Variants in GRIK4 observed in about 807,000 individuals in gnomAD.
The protein encoded by GRIK4 is glutamate ionotropic receptor kainate type subunit 4, also known as glutamate receptor ionotropic, kainate 4.
A neutral mutation model predicts 104.9 loss-of-function variants in GRIK4; 40 were observed. The ratio of observed to expected loss-of-function variants is 0.38; its 90% confidence interval spans 0.30 to 0.50. The LOEUF is 0.50. Ranked by LOEUF, GRIK4 falls within the 20% of genes least tolerant of loss-of-function variation. The pLI is 0.93. For synonymous variants in GRIK4, 485 were observed against 524.9 expected, an observed-to-expected ratio of 0.92 and a Z score of 1.04; for missense variants, 1,047 against 1,308.1, an observed-to-expected ratio of 0.80 and a Z score of 3.08.
intron 4 of GRIK4, among the ~76,000 whole-genome samples, chr11:120,804,460 C>T (rs1434909334): frequency 1.3e-5 from 2 of 152,200 alleles, no homozygotes; most frequent in Non-Finnish European, 2.9e-5. Flanking sequence ...CTCCCTCTCA[C>T]AGCTTCCTTC....
In GRIK4 at chr11:120,956,203, CTT is replaced by C. The variant is rs11329842; in HGVS notation, c.1701-563_1701-562del. Among the ~76,000 whole-genome samples, 260 of 142,830 alleles carry C rather than the reference CTT, an allele frequency of 1.8e-3. No individual in the cohort carries two copies. The highest frequency in any genetic ancestry group is 2.3e-3 in the East Asian group (11 of 4,816). 93.7% of individuals were successfully genotyped at this position (142,830 alleles called of 152,430 possible). Reference sequence around the variant, plus strand: ...CCTAGCCTCAGGGGCTCCACTTAATCTTTTTTTTTTTTTTTGAGACAGGGTCT... The same window carrying C: ...CCTAGCCTCAGGGGCTCCACTTAATCTTTTTTTTTTTTTGAGACAGGGTCT... On this transcript the variant is annotated intron_variant, in intron 15 of 20. Transcript: ENST00000527524. The surrounding 1 kb of genome is among the most constrained non-coding windows in gnomAD (Gnocchi z 4.6).
chr11:120,695,114 T>G (rs1191457245), intron 3 of GRIK4, among the ~76,000 whole-genome samples: 1 of 152,206 alleles, frequency 6.6e-6, no homozygotes, highest in Non-Finnish European at 1.5e-5. Flanking sequence ...GAGCCAGGGA[T>G]GCCCCCAGCC....
intron 3 of GRIK4, among the ~76,000 whole-genome samples, chr11:120,755,750 A>G (rs1299588424): frequency 6.6e-6 from 1 of 152,182 alleles, no homozygotes; most frequent in Admixed American, 6.5e-5. Flanking sequence ...TATGGCTTTT[A>G]TTTCCATGCT....
At chr11:120,610,553 G>A (rs963993071) in intron 1 of GRIK4, among the ~76,000 whole-genome samples, 2 of 152,200 alleles carry the variant, frequency 1.3e-5, no homozygotes, top group Admixed American at 1.3e-4. Flanking sequence ...GGCAGCCGGA[G>A]TGGAGGGTGG....
intron 3 of GRIK4, among the ~76,000 whole-genome samples, chr11:120,678,415 A>G (rs1431077059): frequency 6.6e-6 from 1 of 152,112 alleles, no homozygotes; most frequent in Non-Finnish European, 1.5e-5. Flanking sequence ...TAGATTCCAA[A>G]TGATGTTTAA....
chr11:120,874,213 C>T lies in GRIK4; in HGVS notation c.1054C>T (p.Arg352Cys), dbSNP rs368838031. ...CGGCACCAGCCTCATGAACTACCTG[C>T]GCATGGTGAGGAGCGGCTGAGGCCC... is the stretch of plus-strand genomic sequence containing the variant. ...QHGTSLMNYL[R>C]MVELEGLTGH... Residue 352 changes from arginine (R) to cysteine (C), a missense_variant, in exon 10 of 21, where the codon CGC (arginine) becomes TGC (cysteine). Arg to Cys is a radical substitution (Grantham distance 180). This residue lies in a region of GRIK4 where 447 missense variants were observed against 514.9 expected (regional missense o/e 0.87). Transcript: ENST00000527524. 61 of 1,610,456 alleles carry T rather than the reference C, an allele frequency of 3.8e-5. 1 individual carries two copies. Among genetic ancestry groups the T allele is most frequent in the African/African-American group, 9.3e-5 (7 of 74,908 alleles).
intron 3 of GRIK4, among the ~76,000 whole-genome samples, chr11:120,710,513 A>G (rs1950713019): frequency 6.6e-6 from 1 of 152,118 alleles, no homozygotes; most frequent in African/African-American, 2.4e-5. Context: ...TGTGGGCATA[A>G]CGGCCCCCCC....
At chr11:120,882,420 C>T (rs1954992178) in intron 11 of GRIK4, among the ~76,000 whole-genome samples, 1 of 152,184 alleles carries the variant, frequency 6.6e-6, no homozygotes, top group South Asian at 2.1e-4. Context: ...AGTGCCAGCT[C>T]TCCGTCTGGG....
chr11:120,904,885 C>T (rs2134506162), intron 12 of GRIK4, among the ~76,000 whole-genome samples: 1 of 152,320 alleles, frequency 6.6e-6, no homozygotes, highest in East Asian at 1.9e-4. Flanking sequence ...TGCAGTTGCA[C>T]ATGTACCTGT....
chr11:120,637,900 G>A (rs961428484), intron 1 of GRIK4, among the ~76,000 whole-genome samples: 1 of 151,990 alleles, frequency 6.6e-6, no homozygotes, highest in African/African-American at 2.4e-5. Context: ...TTATTATTGA[G>A]AGGGAGTCTC....
chr11:120,911,538 A>G (rs1267151200), intron 13 of GRIK4, among the ~76,000 whole-genome samples: 2 of 144,106 alleles, frequency 1.4e-5, no homozygotes, highest in African/African-American at 5.0e-5. Context: ...CGCCCGGCCC[A>G]AAATTCTCTT....
chr11:120,585,294 G>C (rs536236419), intron 1 of GRIK4, among the ~76,000 whole-genome samples: 20 of 151,848 alleles, frequency 1.3e-4, no homozygotes, highest in Non-Finnish European at 2.5e-4. Context: ...TTGAGACTAT[G>C]CTTTAAATTC....
intron 3 of GRIK4, among the ~76,000 whole-genome samples, chr11:120,731,372 C>T (rs1005210630): frequency 2.6e-5 from 4 of 151,618 alleles, no homozygotes; most frequent in African/African-American, 9.7e-5. Context: ...TGTCACGTTG[C>T]TTGATTGTCA....
chr11:120,631,397 C>T (rs1037337215), intron 1 of GRIK4, among the ~76,000 whole-genome samples: 3 of 152,184 alleles, frequency 2.0e-5, no homozygotes, highest in Non-Finnish European at 4.4e-5. Context: ...TGCCCACAGG[C>T]CACACTTTGA....
chr11:120,719,247 A>AAT (rs1950889738), intron 3 of GRIK4, among the ~76,000 whole-genome samples: 1 of 152,184 alleles, frequency 6.6e-6, no homozygotes, highest in Admixed American at 6.5e-5. Context: ...AGCTTTTAAA[A>AAT]ATAATAGGCT....
chr11:120,910,642 G>C (rs1415847032), intron 13 of GRIK4, among the ~76,000 whole-genome samples: 2 of 152,218 alleles, frequency 1.3e-5, no homozygotes, highest in Non-Finnish European at 2.9e-5. Flanking sequence ...GGGGCCCTCT[G>C]TCTCATGCCA....
chr11:120,685,050 C>CT (rs1470539609), intron 3 of GRIK4, among the ~76,000 whole-genome samples: 10 of 152,310 alleles, frequency 6.6e-5, no homozygotes, highest in Non-Finnish European at 1.5e-4. Context: ...AAGGGAACCT[C>CT]TGAGTCAGTA....
intron 1 of GRIK4, among the ~76,000 whole-genome samples, chr11:120,642,017 A>G (rs933547972): frequency 6.6e-6 from 1 of 152,198 alleles, no homozygotes; most frequent in Non-Finnish European, 1.5e-5. Flanking sequence ...CGGTGTTCCC[A>G]TGGCAACCAG....
At position 120,624,478 on chromosome 11, in the gene GRIK4, T is replaced by A. The variant is rs139626637; in HGVS notation, c.-158-29207T>A. 6.7e-4 allele frequency among the ~76,000 whole-genome samples: 102 copies of A among 152,274 alleles called. 4 individuals carry two copies. The East Asian group carries it at 0.018, about 27-fold the overall frequency. ...CCTCCTCCTTGTCCCATAGCCACTCTCTACTCTGAGTAGCTGTAGGTGCTC... is the reference window on the plus strand; with the variant it reads ...CCTCCTCCTTGTCCCATAGCCACTCACTACTCTGAGTAGCTGTAGGTGCTC... On this transcript the variant is annotated intron_variant, in intron 1 of 20. Transcript: ENST00000527524.
Sources: gnomAD v4.1 joint callset for allele counts (sites outside exome capture counted in the v4.1 genomes callset) on GRCh38, gnomAD v4.1.1 for gene constraint, gnomAD v4.1.1 regional missense constraint, Gnocchi (gnomAD v3.1) non-coding constraint, MANE v1.5 for transcripts, NCBI Gene and HGNC (gene_info 2026-07-23, HGNC 2026-07-21) for gene names.